The following KCNA2 variants were observed in gnomAD, a reference collection of about 807,000 sequenced individuals.
KCNA2 encodes potassium voltage-gated channel subfamily A member 2.
A neutral mutation model predicts 33.4 loss-of-function variants in KCNA2; 11 were observed. The observed-to-expected ratio is 0.33, with a 90% confidence interval of 0.21 to 0.55. The LOEUF (loss-of-function observed/expected upper bound fraction) is 0.55, where lower values mean the gene tolerates loss of function less well. Ranked by LOEUF, KCNA2 falls within the 20% of genes least tolerant of loss-of-function variation. The pLI, the probability that KCNA2 is intolerant of heterozygous loss-of-function variation, is 0.93. For missense variants in KCNA2, 291 were observed against 621.6 expected (o/e 0.47, Z 5.66); for synonymous variants, 222 against 231.3 (o/e 0.96, Z 0.37).
rs376617831 is a variant in KCNA2, at chr1:110,597,377, G to C, written c.*5906C>G. The stretch of plus-strand genomic sequence containing the variant: ...GCTTCCATTACATCTGCCAGACTGA[G>C]GGAAAGTCAACAAAATGGGCTGAAA... On this transcript the variant is annotated 3_prime_UTR_variant, in exon 3 of 3. Coordinates refer to ENST00000316361, the MANE Select transcript of KCNA2 (RefSeq NM_004974.4). The C allele has an allele frequency of 2.0e-6, 2 of 985,410 alleles. No individual in the cohort carries two copies. 61.0% of individuals were successfully genotyped at this position (985,410 alleles called of 1,614,324 possible). A position where few individuals can be genotyped will look rare whatever the true frequency, so the allele number is the denominator to read the frequency against.
intron 1 of KCNA2, among the ~76,000 whole-genome samples, chr1:110,614,957 A>G (rs1174466791): frequency 6.6e-6 from 1 of 152,248 alleles, no homozygotes; most frequent in Non-Finnish European, 1.5e-5. Flanking sequence ...ATGCCAAATC[A>G]TTTTGAAAAC....
intron 1 of KCNA2, among the ~76,000 whole-genome samples, chr1:110,630,273 G>A (rs978914566): frequency 1.2e-4 from 18 of 151,808 alleles, no homozygotes; most frequent in South Asian, 2.1e-4. Context: ...CGCCCACCTC[G>A]GCCTCCCAAA....
chr1:110,619,681 C>T (rs1050183234), intron 1 of KCNA2, among the ~76,000 whole-genome samples: 2 of 152,214 alleles, frequency 1.3e-5, no homozygotes, highest in African/African-American at 4.8e-5. Flanking sequence ...CTGCGCATCC[C>T]GTATCCCGGG....
chr1:110,605,166 G>A (rs903492367), intron 2 of KCNA2, among the ~76,000 whole-genome samples: 1 of 152,208 alleles, frequency 6.6e-6, no homozygotes, highest in East Asian at 1.9e-4. Context: ...CTGCATTGGG[G>A]GAAGGTGGCT....
At chr1:110,617,604 C>T (rs1350921736) in intron 1 of KCNA2, among the ~76,000 whole-genome samples, 1 of 152,104 alleles carries the variant, frequency 6.6e-6, no homozygotes, top group Non-Finnish European at 1.5e-5. Flanking sequence ...TGTCAAGGGT[C>T]TGGACTCAGG....
chr1:110,605,080 A>C, intron 2 of KCNA2, 135 bp from the exon 3 acceptor site: 1 of 418,478 alleles, frequency 2.4e-6, no homozygotes, highest in Non-Finnish European at 4.3e-6. Flanking sequence ...ACAAAGCAAA[A>C]TTTACTTTCA....
rs1648990853 is a variant in KCNA2 at position 110,594,253 on chromosome 1, G to A, written c.*9030C>T. ...CCTAACTGGAGTCTGTGCTGCATGA[G>A]CCTAAGTGAGTGGCGGCCATTTCCT... On this transcript the variant is annotated 3_prime_UTR_variant, in exon 3 of 3. Coordinates refer to ENST00000316361, the MANE Select transcript of KCNA2 (RefSeq NM_004974.4). 3.9e-6 allele frequency: 4 copies of A among 1,014,216 alleles called. No individual in the cohort carries two copies. Among genetic ancestry groups the A allele is most frequent in the South Asian group, 8.8e-5 (2 of 22,856 alleles). The allele number at this position is 1,014,216 out of a possible 1,614,324, so 62.8% of individuals were successfully genotyped here. A position where few individuals can be genotyped will look rare whatever the true frequency, so the allele number is the denominator to read the frequency against.
intron 1 of KCNA2, among the ~76,000 whole-genome samples, chr1:110,629,792 T>C (rs1650498489): frequency 6.6e-6 from 1 of 152,100 alleles, no homozygotes; most frequent in Non-Finnish European, 1.5e-5. Context: ...CAGAAATGTA[T>C]GGTATTGGCA....
chr1:110,622,343 T>C (rs910124404), intron 1 of KCNA2, among the ~76,000 whole-genome samples: 3 of 152,144 alleles, frequency 2.0e-5, no homozygotes, highest in Non-Finnish European at 4.4e-5. Flanking sequence ...GGGAGTTTTT[T>C]TGACCTAATA....
chr1:110,610,670 G>C (rs1430958121), upstream of KCNA2, among the ~76,000 whole-genome samples: 1 of 152,188 alleles, frequency 6.6e-6, no homozygotes, highest in Non-Finnish European at 1.5e-5. Context: ...TTTACTGTTA[G>C]CTCAGTGCCA....
rs149727427 is a variant in KCNA2, at chr1:110,604,152, C to A, written c.631G>T (p.Gly211Trp). Residue 211 changes from glycine (G) to tryptophan (W), a missense_variant, in exon 3 of 3, where the codon GGG becomes TGG. This residue lies in a region of KCNA2 where 163 missense variants were observed against 273.5 expected (regional missense o/e 0.60). Coordinates refer to ENST00000316361, the MANE Select transcript of KCNA2 (RefSeq NM_004974.4). The surrounding 1 kb of genome is among the most constrained non-coding windows in gnomAD (Gnocchi z 7.6). Reference sequence around the variant, plus strand: ...GTGAAGGAAGTGGACTGCTGGTACCCGATGGTGCTGTTGGAATAGGTGTGG... The same window carrying A: ...GTGAAGGAAGTGGACTGCTGGTACCAGATGGTGCTGTTGGAATAGGTGTGG... ...TFHTYSNSTI[G>W]YQQSTSFTDP... 4 of 1,614,058 alleles carry A rather than the reference C, an allele frequency of 2.5e-6. No homozygotes were observed. The highest frequency in any genetic ancestry group is 1.1e-5 in the South Asian group (1 of 91,076).
chr1:110,610,450 G>A (rs1358594159), upstream of KCNA2, among the ~76,000 whole-genome samples: 1 of 152,158 alleles, frequency 6.6e-6, no homozygotes, highest in Non-Finnish European at 1.5e-5. Flanking sequence ...AGGTAGGCAG[G>A]GCAGGAGGAC....
In KCNA2 at chr1:110,604,688, C is replaced by T; in HGVS notation, c.95G>A (p.Cys32Tyr). The change falls in exon 3 of 3, where the codon TGT (cysteine) becomes TAT (tyrosine). Residue 32 changes from cysteine (C) to tyrosine (Y), a missense_variant. Coordinates refer to ENST00000316361, the MANE Select transcript of KCNA2 (RefSeq NM_004974.4). The surrounding 1 kb of genome is among the most constrained non-coding windows in gnomAD (Gnocchi z 7.6). ...TGAGATGTTGATCACCACCCTCTCA[C>T]AGCACTCGTGGTCTGCCTCTGGGTC... Reference protein sequence around the residue: ...TYDPEADHECCERVVINISGL... With the variant: ...TYDPEADHECYERVVINISGL... 7 of 1,614,204 alleles carry T rather than the reference C, an allele frequency of 4.3e-6. No individual in the cohort carries two copies. Among genetic ancestry groups the T allele is most frequent in the East Asian group, 2.2e-5 (1 of 44,886 alleles).
chr1:110,605,181 C>T (rs1649543276), intron 2 of KCNA2, among the ~76,000 whole-genome samples: 1 of 152,196 alleles, frequency 6.6e-6, no homozygotes. Flanking sequence ...GTGGCTGGTA[C>T]AGGCCCGCTT....
At chr1:110,607,532 G>T (rs531306348), upstream of KCNA2, 6 of 152,306 alleles carry the variant, frequency 3.9e-5, no homozygotes, top group South Asian at 8.0e-4. Flanking sequence ...TCGTCACCTC[G>T]TTGGGCCCCC....
rs1421276694 is a variant in KCNA2, at chr1:110,604,172, G to A, written c.611C>T (p.Thr204Ile). The A allele has an allele frequency of 6.2e-7, 1 of 1,614,188 alleles. No homozygotes were observed. The highest frequency in any genetic ancestry group is 8.5e-7 in the Non-Finnish European group (1 of 1,180,032). Residue 204 changes from threonine (T) to isoleucine (I), a missense_variant, in exon 3 of 3, where the codon ACC (threonine) becomes ATC (isoleucine). Thr to Ile is a moderately conservative substitution (Grantham distance 89). Around this residue, in one of 5 missense-constraint regions of KCNA2, gnomAD observed 163 missense variants for 273.5 expected, o/e 0.60. Transcript: ENST00000316361. The surrounding 1 kb of genome is among the most constrained non-coding windows in gnomAD (Gnocchi z 7.6). ...GTACCCGATGGTGCTGTTGGAATAGGTGTGGAAGGTCACCCCACTACCATG... is the reference window on the plus strand; with the variant it reads ...GTACCCGATGGTGCTGTTGGAATAGATGTGGAAGGTCACCCCACTACCATG... ...DMHGSGVTFH[T>I]YSNSTIGYQQ...
chr1:110,602,881 T>C lies in KCNA2; in HGVS notation c.*402A>G. On this transcript the variant is annotated 3_prime_UTR_variant, in exon 3 of 3. Coordinates refer to ENST00000316361, the MANE Select transcript of KCNA2 (RefSeq NM_004974.4). ...TAAAGCTAAGCCATGATTGTGTTCC[T>C]CTGTGAAAGGGCAGGTGGGCTCAAA... 1 of 1,022,154 alleles carries C rather than the reference T, an allele frequency of 9.8e-7. No homozygotes were observed. The highest frequency in any genetic ancestry group is 1.2e-6 in the Non-Finnish European group (1 of 854,416). 63.3% of individuals were successfully genotyped at this position (1,022,154 alleles called of 1,614,324 possible). A position where few individuals can be genotyped will look rare whatever the true frequency, so the allele number is the denominator to read the frequency against.
At position 110,595,756 on chromosome 1, in the gene KCNA2, A is replaced by C; in HGVS notation, c.*7527T>G. The C allele has an allele frequency of 1.0e-6, 1 of 985,450 alleles. No homozygotes were observed. The highest frequency in any genetic ancestry group is 1.2e-6 in the Non-Finnish European group (1 of 829,924). 61.0% of individuals were successfully genotyped at this position (985,450 alleles called of 1,614,324 possible). On this transcript the variant is annotated 3_prime_UTR_variant, in exon 3 of 3. Transcript: ENST00000316361. ...AACTTAGGTTTAGTCATAATAAAAA[A>C]CAGAATGGATTTGTTAGTTCCATTG...
In KCNA2 at chr1:110,602,674, C is replaced by G. The variant is rs1444611273; in HGVS notation, c.*609G>C. Reference sequence around the variant, plus strand: ...CCCCCGGGCTTCCCTCACATCGACACTGCAGAGAAAAAGCAGAATGCAGCA... The same window carrying G: ...CCCCCGGGCTTCCCTCACATCGACAGTGCAGAGAAAAAGCAGAATGCAGCA... On this transcript the variant is annotated 3_prime_UTR_variant, in exon 3 of 3. Coordinates refer to ENST00000316361, the MANE Select transcript of KCNA2 (RefSeq NM_004974.4). The G allele has an allele frequency of 1.0e-6, 1 of 994,364 alleles. No individual in the cohort carries two copies. Among genetic ancestry groups the G allele is most frequent in the Non-Finnish European group, 1.2e-6 (1 of 835,872 alleles). The allele number at this position is 994,364 out of a possible 1,614,324, so 61.6% of individuals were successfully genotyped here. A position where few individuals can be genotyped will look rare whatever the true frequency, so the allele number is the denominator to read the frequency against.
Sources: allele counts gnomAD v4.1 joint callset (sites outside exome capture counted in the v4.1 genomes callset), GRCh38; gene constraint gnomAD v4.1.1; regional missense constraint gnomAD v4.1.1; non-coding constraint Gnocchi (gnomAD v3.1); transcripts MANE v1.5; gene names NCBI Gene and HGNC (gene_info 2026-07-23, HGNC 2026-07-21).